IQUB: variants seen among roughly 807,000 people sequenced by gnomAD.
IQUB encodes IQ motif and ubiquitin-like domain-containing protein.
Under a neutral mutation model 86.4 loss-of-function variants are expected in IQUB, and 86 were observed. The ratio of observed to expected loss-of-function variants is 1.00; its 90% CI spans 0.84 to 1.19. The LOEUF is 1.19. Among genes scored for constraint, IQUB ranks in the 50% most tolerant of loss-of-function variants. The probability of loss-of-function intolerance (pLI) is 0.00; values close to 1 mark genes in which losing one functional copy is unlikely to be tolerated. For synonymous variants in IQUB, 289 were observed against 304.5 expected, an observed-to-expected ratio of 0.95 and a Z score of 0.53; for missense variants, 946 against 916.9, an observed-to-expected ratio of 1.03 and a Z score of -0.41.
chr7:123,509,977 G>T lies in IQUB; in HGVS notation c.456C>A (p.Thr152=). 2 of 1,599,822 alleles carry T rather than the reference G, an allele frequency of 1.3e-6. No individual in the cohort carries two copies. Among genetic ancestry groups the T allele is most frequent in the Non-Finnish European group, 1.7e-6 (2 of 1,168,780 alleles). The part of the protein sequence containing the change: ...QEIVIPFKVD[T]ILKYLKDHFS... ...AATGGTCCTTAAGATATTTAAGAAT[G>T]GTATCAACCTTAAAAGGTATTACAA... The change falls in exon 3 of 13, where the codon ACC becomes ACA. Residue 152 remains threonine, a synonymous_variant. Transcript: ENST00000324698.
chr7:123,478,754 G>C (rs749145588), intron 8 of IQUB, among the ~76,000 whole-genome samples: 1 of 152,110 alleles, frequency 6.6e-6, no homozygotes, highest in Admixed American at 6.6e-5. Flanking sequence ...CAACCGAGTA[G>C]ATGATGAAAT....
At chr7:123,499,423 T>C (rs545790938) in intron 6 of IQUB, among the ~76,000 whole-genome samples, 9 of 152,308 alleles carry the variant, frequency 5.9e-5, no homozygotes, top group South Asian at 2.1e-4. Flanking sequence ...TCCCAAAATA[T>C]TTCTGAGATA....
At chr7:123,458,009 A>T in intron 11 of IQUB, 1 of 160,692 alleles carries the variant, frequency 6.2e-6, no homozygotes. Flanking sequence ...ACACTTCACA[A>T]GTTTGCATGT....
chr7:123,484,151 A>C (rs1028373615), intron 7 of IQUB, among the ~76,000 whole-genome samples: 3 of 152,106 alleles, frequency 2.0e-5, no homozygotes, highest in Non-Finnish European at 4.4e-5. Context: ...TTTATCAGGA[A>C]TACATCATTC....
intron 1 of IQUB, among the ~76,000 whole-genome samples, chr7:123,514,157 C>T (rs1013983753): frequency 9.9e-5 from 15 of 152,150 alleles, no homozygotes; most frequent in Non-Finnish European, 5.9e-5. Flanking sequence ...ATAACATCTG[C>T]TGTTTTGAAT....
chr7:123,522,693 TAGG>T (rs1796961969), intron 1 of IQUB, among the ~76,000 whole-genome samples: 1 of 152,060 alleles, frequency 6.6e-6, no homozygotes, highest in African/African-American at 2.4e-5. Flanking sequence ...TTTTATAAAG[TAGG>T]AGAAAAAAAT....
intron 8 of IQUB, among the ~76,000 whole-genome samples, chr7:123,478,905 G>A (rs1425872394): frequency 6.6e-6 from 1 of 152,098 alleles, no homozygotes; most frequent in East Asian, 1.9e-4. Context: ...GTGACAGTAG[G>A]CCATTGGATA....
chr7:123,485,290 A>G (rs1020943746), intron 7 of IQUB, among the ~76,000 whole-genome samples: 9 of 152,038 alleles, frequency 5.9e-5, no homozygotes, highest in Admixed American at 5.3e-4. Flanking sequence ...TTTTCCCTCT[A>G]CATATGCCTG....
At chr7:123,511,872 A>C in intron 2 of IQUB, 72 bp downstream of exon 2, 2 of 1,209,094 alleles carry the variant, frequency 1.7e-6, no homozygotes, top group Non-Finnish European at 2.3e-6. Context: ...TTAAGCAAAA[A>C]TAAGCCAACA....
Position 123,512,049 on chromosome 7 carries a change from G to A in IQUB, c.292C>T (p.Gln98Ter). The A allele has an allele frequency of 1.2e-6, 2 of 1,613,716 alleles. No individual in the cohort carries two copies. The highest frequency in any genetic ancestry group is 1.7e-6 in the Non-Finnish European group (2 of 1,179,706). Residue 98 changes from glutamine (Q) to a stop codon, truncating the protein, a stop_gained, in exon 2 of 13, where the codon CAA (glutamine) becomes TAA (stop). Transcript: ENST00000324698. LOFTEE classifies it high-confidence loss of function. ...TCATTTGGCCTCTGCATTGCATATT[G>A]CTTTTCATGATGTTGCGGAGTATAT... ...VSYTPQHHEK[Q>*]YAMQRPNDDS...
intron 7 of IQUB, among the ~76,000 whole-genome samples, chr7:123,481,083 T>C (rs756378480): frequency 6.6e-6 from 1 of 152,126 alleles, no homozygotes; most frequent in Non-Finnish European, 1.5e-5. Context: ...AGAAATTAAA[T>C]TGTTCAACCC....
At chr7:123,467,484 C>A (rs1473497080) in intron 9 of IQUB, among the ~76,000 whole-genome samples, 1 of 152,118 alleles carries the variant, frequency 6.6e-6, no homozygotes, top group East Asian at 1.9e-4. Flanking sequence ...CAGGGACATC[C>A]TGAATCAAAT....
chr7:123,507,210 C>G (rs1359425985), intron 3 of IQUB, among the ~76,000 whole-genome samples: 3 of 152,160 alleles, frequency 2.0e-5, no homozygotes, highest in African/African-American at 7.2e-5. Context: ...GATGCAAAAG[C>G]CACACACATT....
At chr7:123,506,476 A>C (rs573779656) in intron 3 of IQUB, among the ~76,000 whole-genome samples, 4 of 152,200 alleles carry the variant, frequency 2.6e-5, no homozygotes, top group Non-Finnish European at 5.9e-5. Context: ...TACAGGAAGC[A>C]TGGTTGGGGA....
chr7:123,520,685 A>G (rs1443910791), intron 1 of IQUB, among the ~76,000 whole-genome samples: 1 of 152,138 alleles, frequency 6.6e-6, no homozygotes, highest in Non-Finnish European at 1.5e-5. Flanking sequence ...GGGAGAGGGC[A>G]TTAGATTGTG....
chr7:123,474,991 T>A (rs756719885), intron 8 of IQUB, among the ~76,000 whole-genome samples: 4 of 152,232 alleles, frequency 2.6e-5, no homozygotes, highest in Admixed American at 6.5e-5. Flanking sequence ...TTCACCTTTG[T>A]GTGTTACCCT....
chr7:123,495,887 A>G (rs1181001105), intron 7 of IQUB, among the ~76,000 whole-genome samples: 1 of 152,168 alleles, frequency 6.6e-6, no homozygotes, highest in Non-Finnish European at 1.5e-5. Flanking sequence ...GGCAGAAATA[A>G]ATGTTAAACA....
At position 123,494,399 on chromosome 7, in the gene IQUB, A is replaced by G. The variant is rs530715468; in HGVS notation, c.1234+2297T>C. The stretch of plus-strand genomic sequence containing the variant: ...TGAGCCACAAGAGGGCAGCAGCTCC[A>G]AGGAATGGAGTTATGAATATGAAAT... On this transcript the variant is annotated intron_variant, in intron 7 of 12. Transcript: ENST00000324698. 8.5e-5 allele frequency among the ~76,000 whole-genome samples: 13 copies of G among 152,316 alleles called. No individual in the cohort carries two copies. In the South Asian group the frequency reaches 2.5e-3, roughly 29 times the overall value.
chr7:123,532,048 A>G (rs376850957), intron 1 of IQUB, among the ~76,000 whole-genome samples: 9 of 152,170 alleles, frequency 5.9e-5, no homozygotes, highest in East Asian at 3.9e-4. Flanking sequence ...ACATATACTG[A>G]GTGCTTCCGA....
Sources: allele counts gnomAD v4.1 joint callset (sites outside exome capture counted in the v4.1 genomes callset), GRCh38; gene constraint gnomAD v4.1.1; transcripts MANE v1.5; gene names NCBI Gene and HGNC (gene_info 2026-07-23, HGNC 2026-07-21).